Variants in COA8 observed in about 807,000 individuals in gnomAD.
COA8 encodes UPF0671 protein C14orf153.
In COA8, 20 loss-of-function variants were observed where a neutral mutation model predicts 22.0. That is an observed-to-expected ratio of 0.91 (90% CI 0.64 to 1.32). The LOEUF is 1.32. COA8 is among the 40% of genes most tolerant of loss of function. The pLI, the probability that COA8 is intolerant of heterozygous loss-of-function variation, is 0.00. For missense variants in COA8, 266 were observed against 230.0 expected (o/e 1.16, Z -1.01); for synonymous variants, 105 against 79.9 (o/e 1.31, Z -1.68).
chr14:103,565,246 C>T (rs551729472), intron 1 of COA8, among the ~76,000 whole-genome samples: 2 of 152,276 alleles, frequency 1.3e-5, no homozygotes, highest in Admixed American at 1.3e-4. Flanking sequence ...AAGTGTGAGC[C>T]ACCATGCCCA....
chr14:103,590,312 C>T lies in COA8; in HGVS notation c.*26C>T, dbSNP rs1400632002. ...GAGTCCACTCTGACCCAGCCAGAGT[C>T]CAGGTTTCCACAGGAAGCAGATGGA... is the stretch of plus-strand genomic sequence containing the variant. On this transcript the variant is annotated 3_prime_UTR_variant, in exon 5 of 5. Coordinates refer to ENST00000409074, the MANE Select transcript of COA8 (RefSeq NM_001370595.2). 3 of 1,580,510 alleles carry T rather than the reference C, an allele frequency of 1.9e-6. No individual in the cohort carries two copies. The highest frequency in any genetic ancestry group is 2.2e-5 in the South Asian group (2 of 89,906).
In COA8 at chr14:103,581,722, G is replaced by A. The variant is rs946509393; in HGVS notation, c.386-5552G>A. 6 of 398,238 alleles carry A rather than the reference G, an allele frequency of 1.5e-5. No individual in the cohort carries two copies. Among genetic ancestry groups the A allele is most frequent in the Non-Finnish European group, 2.7e-5 (6 of 225,932 alleles). 24.7% of individuals were successfully genotyped at this position (398,238 alleles called of 1,614,324 possible). On this transcript the variant is annotated intron_variant, in intron 3 of 4. Transcript: ENST00000409074. This position sits in a 1 kb window ranked among gnomAD's most constrained non-coding sequence, Gnocchi z 4.1. ...AGATGACGTAGGAAATGGCAGAACT[G>A]AAGGGAAAAGCAGAGCAGGGGGCTG...
intron 3 of COA8, among the ~76,000 whole-genome samples, chr14:103,583,932 G>C (rs1346804333): frequency 6.6e-6 from 1 of 152,230 alleles, no homozygotes. Flanking sequence ...TATTATTAAG[G>C]ATACAACTCA....
In COA8 at chr14:103,587,333, A is replaced by G; in HGVS notation, c.445A>G (p.Lys149Glu). The G allele has an allele frequency of 6.2e-7, 1 of 1,613,440 alleles. No homozygotes were observed. The highest frequency in any genetic ancestry group is 8.5e-7 in the Non-Finnish European group (1 of 1,179,582). The change falls in exon 4 of 5, where the codon AAA becomes GAA. Residue 149 changes from lysine (K) to glutamate (E), a missense_variant. Coordinates refer to ENST00000409074, the MANE Select transcript of COA8 (RefSeq NM_001370595.2). Reference sequence around the variant, plus strand: ...GGACTTCTACAAGGAATTTTTAAGTAAAAATTTTCAGAAGCACATGTATTA... The same window carrying G: ...GGACTTCTACAAGGAATTTTTAAGTGAAAATTTTCAGAAGCACATGTATTA... ...MADFYKEFLS[K>E]NFQKHMYYNR...
At chr14:103,588,761 G>C (rs980894083) in intron 4 of COA8, among the ~76,000 whole-genome samples, 36 of 152,072 alleles carry the variant, frequency 2.4e-4, no homozygotes, top group African/African-American at 8.5e-4. Flanking sequence ...AGGATCCCTT[G>C]AGCCCAGGAG....
intron 1 of COA8, among the ~76,000 whole-genome samples, chr14:103,563,685 A>G (rs755831296): frequency 1.3e-4 from 20 of 152,052 alleles, no homozygotes; most frequent in Non-Finnish European, 2.4e-4. Context: ...TTTGGGAGGG[A>G]TGTTTTGTTT....
At chr14:103,584,958 T>C (rs1045547939) in intron 3 of COA8, among the ~76,000 whole-genome samples, 3 of 150,418 alleles carry the variant, frequency 2.0e-5, no homozygotes, top group African/African-American at 2.5e-5. Context: ...ACCGATGTGG[T>C]GAAACCCCGT....
intron 1 of COA8, among the ~76,000 whole-genome samples, chr14:103,565,328 A>G (rs970237842): frequency 1.3e-5 from 2 of 152,064 alleles, no homozygotes; most frequent in Non-Finnish European, 1.5e-5. Context: ...TTCCAAATCC[A>G]TCTTTAAAAC....
At chr14:103,583,165 G>A (rs1339264915) in intron 3 of COA8, among the ~76,000 whole-genome samples, 1 of 151,810 alleles carries the variant, frequency 6.6e-6, no homozygotes, top group African/African-American at 2.4e-5. Context: ...ATGAACATTT[G>A]GATTATTTCT....
At chr14:103,586,952 C>A (rs1417139352) in intron 3 of COA8, among the ~76,000 whole-genome samples, 1 of 151,924 alleles carries the variant, frequency 6.6e-6, no homozygotes, top group Non-Finnish European at 1.5e-5. Flanking sequence ...GATCCTCCCA[C>A]CTTGGCCTCC....
intron 3 of COA8, among the ~76,000 whole-genome samples, chr14:103,586,890 G>A (rs1291480333): frequency 6.6e-6 from 1 of 151,988 alleles, no homozygotes; most frequent in Non-Finnish European, 1.5e-5. Context: ...TTTTAGTAGA[G>A]ATGGGGTTTC....
rs1212321828 is a variant in COA8 at position 103,590,462 on chromosome 14, G to A, written c.*176G>A. 1.9e-5 allele frequency: 11 copies of A among 579,070 alleles called. No individual in the cohort carries two copies. In the Admixed American group the frequency reaches 3.4e-4, roughly 18 times the overall value. The allele number at this position is 579,070 out of a possible 1,614,324, so 35.9% of individuals were successfully genotyped here. Reference sequence around the variant, plus strand: ...CTGGGGCACTGTGGGCCGCCTGCCTGCTGATGTGGGCTCTAGGCCAGCTTG... The same window carrying A: ...CTGGGGCACTGTGGGCCGCCTGCCTACTGATGTGGGCTCTAGGCCAGCTTG... On this transcript the variant is annotated 3_prime_UTR_variant, in exon 5 of 5. Coordinates refer to ENST00000409074, the MANE Select transcript of COA8 (RefSeq NM_001370595.2).
At chr14:103,588,116 CAAAAAA>C (rs1221577064) in intron 4 of COA8, 11 of 64,658 alleles carry the variant, frequency 1.7e-4, no homozygotes, top group Admixed American at 2.5e-4. Flanking sequence ...AACTCCATCT[CAAAAAA>C]AAAAAAAAAA....
chr14:103,583,587 A>C (rs2076284343), intron 3 of COA8, among the ~76,000 whole-genome samples: 2 of 150,160 alleles, frequency 1.3e-5, no homozygotes, highest in African/African-American at 2.4e-5. Flanking sequence ...TCCTCCTGAG[A>C]CCAAATACCT....
chr14:103,585,095 G>A lies in COA8; in HGVS notation c.386-2179G>A, dbSNP rs137897777. On this transcript the variant is annotated intron_variant, in intron 3 of 4. Coordinates refer to ENST00000409074, the MANE Select transcript of COA8 (RefSeq NM_001370595.2). Reference sequence around the variant, plus strand: ...AGAGTTTGCAGTGAGCCGAGATTGCGCCACTGCACTCCAGCCTGGGTGACA... The same window carrying A: ...AGAGTTTGCAGTGAGCCGAGATTGCACCACTGCACTCCAGCCTGGGTGACA... Among the ~76,000 whole-genome samples, 158 of 151,704 alleles carry A rather than the reference G, an allele frequency of 1.0e-3. 3 individuals carry two copies. In the East Asian group the frequency reaches 0.028, roughly 27 times the overall value.
chr14:103,570,960 A>C (rs979804595), intron 1 of COA8, among the ~76,000 whole-genome samples: 10 of 152,202 alleles, frequency 6.6e-5, no homozygotes, highest in Admixed American at 2.6e-4. Flanking sequence ...GGGCGGGTCC[A>C]GGAGGAGCCA....
intron 3 of COA8, among the ~76,000 whole-genome samples, chr14:103,576,583 A>G (rs1244140596): frequency 6.6e-6 from 1 of 152,170 alleles, no homozygotes; most frequent in Non-Finnish European, 1.5e-5. Context: ...GGCCCCAGTC[A>G]TGGCCTGTGC....
intron 3 of COA8, among the ~76,000 whole-genome samples, chr14:103,583,332 G>C (rs1239744499): frequency 6.6e-6 from 1 of 152,002 alleles, no homozygotes; most frequent in Non-Finnish European, 1.5e-5. Flanking sequence ...TTGAGGTCAG[G>C]AGTTCATGAC....
At chr14:103,571,530 C>G (rs1241931809) in intron 1 of COA8, 93 bp from the exon 2 acceptor site, 1 of 1,278,866 alleles carries the variant, frequency 7.8e-7, no homozygotes, top group African/African-American at 1.5e-5. Context: ...GAGCGAGACT[C>G]CGTCTCTAAG....
Sources: gnomAD v4.1 joint callset for allele counts (sites outside exome capture counted in the v4.1 genomes callset) on GRCh38, gnomAD v4.1.1 for gene constraint, Gnocchi (gnomAD v3.1) non-coding constraint, MANE v1.5 for transcripts, NCBI Gene and HGNC (gene_info 2026-07-23, HGNC 2026-07-21) for gene names.